Variants in FSD1L observed in about 807,000 individuals in gnomAD.
FSD1L encodes FSD1-like protein.
In FSD1L, 45 loss-of-function variants were observed where a neutral mutation model predicts 71.6. That is an observed-to-expected ratio of 0.63 (90% CI 0.49 to 0.81). The LOEUF (loss-of-function observed/expected upper bound fraction) is 0.81. Ranked by LOEUF, FSD1L falls within the 30% of genes least tolerant of loss-of-function variation. The pLI is 0.00. For synonymous variants in FSD1L, 197 were observed against 207.2 expected (o/e 0.95, Z 0.42); for missense variants, 561 against 618.1 (o/e 0.91, Z 0.98).
chr9:105,533,938 G>A (rs536921778), intron 10 of FSD1L, among the ~76,000 whole-genome samples: 4 of 152,130 alleles, frequency 2.6e-5, no homozygotes, highest in East Asian at 3.9e-4. Context: ...AGTCAGGCTC[G>A]TCTCGAACTC....
At chr9:105,520,499 A>G (rs2131414640) in intron 10 of FSD1L, 1 of 1,067,468 alleles carries the variant, frequency 9.4e-7, no homozygotes, top group Middle Eastern at 2.7e-4. Context: ...GAGGAACTGG[A>G]TGCTATACTT....
intron 7 of FSD1L, 81 bp from the exon 8 acceptor site, chr9:105,506,318 A>T: frequency 1.9e-6 from 2 of 1,064,706 alleles, no homozygotes; most frequent in Non-Finnish European, 2.7e-6. Context: ...AGTTTGAATG[A>T]TATAAATGTG....
intron 11 of FSD1L, among the ~76,000 whole-genome samples, 190 bp downstream of exon 11, chr9:105,534,783 A>G (rs763617072): frequency 6.6e-6 from 1 of 152,170 alleles, no homozygotes; most frequent in Non-Finnish European, 1.5e-5. Context: ...TTAAAACTCT[A>G]CTTCAGCTTA....
At position 105,471,965 on chromosome 9, in the gene FSD1L, C is replaced by G. The variant is rs555345664; in HGVS notation, c.401C>G (p.Thr134Arg). The change falls in exon 5 of 14, where the codon ACA (threonine) becomes AGA (arginine). Residue 134 changes from threonine (T) to arginine (R), a missense_variant. Thr to Arg is a moderately conservative substitution (Grantham distance 71, BLOSUM62 -1). Coordinates refer to ENST00000481272, the MANE Select transcript of FSD1L (RefSeq NM_001145313.3). ...ENSEELLEFA[T>R]RSLDIKEPEE... The stretch of plus-strand genomic sequence containing the variant: ...TCTGAAGAACTATTAGAATTTGCAA[C>G]AAGGTCATTAGATATAAAGGAACCT... 312 of 1,426,844 alleles carry G rather than the reference C, an allele frequency of 2.2e-4. 4 individuals are homozygous for G. In the South Asian group the frequency reaches 3.6e-3, roughly 16 times the overall value. 88.4% of individuals were successfully genotyped at this position (1,426,844 alleles called of 1,614,324 possible). A position where few individuals can be genotyped will look rare whatever the true frequency, so the allele number is the denominator to read the frequency against.
At chr9:105,506,857 C>T (rs148491517) in intron 8 of FSD1L, among the ~76,000 whole-genome samples, 2,506 of 151,732 alleles carry the variant, frequency 0.017, 39 homozygotes, top group African/African-American at 0.037. Context: ...CTGCAACCTC[C>T]GCCTCCTGGG....
At chr9:105,481,183 C>CT (rs1169730136) in intron 6 of FSD1L, among the ~76,000 whole-genome samples, 912 of 28,758 alleles carry the variant, frequency 0.032, 39 homozygotes, top group African/African-American at 0.067. Flanking sequence ...GTGTGTGGTT[C>CT]TTTTTTTTTT....
chr9:105,538,536 T>TA (rs1386071351), intron 12 of FSD1L, among the ~76,000 whole-genome samples: 1 of 152,196 alleles, frequency 6.6e-6, no homozygotes, highest in Non-Finnish European at 1.5e-5. Context: ...CAAGAAGTGA[T>TA]AACAGCTGTA....
chr9:105,458,381 G>T (rs893412970), intron 1 of FSD1L, among the ~76,000 whole-genome samples: 2 of 152,172 alleles, frequency 1.3e-5, no homozygotes, highest in Non-Finnish European at 2.9e-5. Context: ...CCCTTTCTGC[G>T]CCTGCCTTTT....
chr9:105,516,725 C>A (rs1260109556), intron 10 of FSD1L, among the ~76,000 whole-genome samples: 1 of 152,148 alleles, frequency 6.6e-6, no homozygotes, highest in Non-Finnish European at 1.5e-5. Flanking sequence ...GAGAAACCAG[C>A]GCAAAAAGGC....
intron 9 of FSD1L, among the ~76,000 whole-genome samples, chr9:105,511,046 C>T (rs1834362747): frequency 6.6e-6 from 1 of 150,404 alleles, no homozygotes; most frequent in Non-Finnish European, 1.5e-5. Flanking sequence ...AGCTCTATAA[C>T]TTAACTGAGG....
intron 6 of FSD1L, among the ~76,000 whole-genome samples, chr9:105,482,639 A>C (rs1832285207): frequency 6.6e-6 from 1 of 152,218 alleles, no homozygotes; most frequent in Non-Finnish European, 1.5e-5. Flanking sequence ...ATTAAAGTTC[A>C]GTCTTCTGAA....
chr9:105,498,303 G>A (rs1016584357), intron 7 of FSD1L, among the ~76,000 whole-genome samples: 1 of 151,620 alleles, frequency 6.6e-6, no homozygotes, highest in African/African-American at 2.4e-5. Context: ...TGTCAGTGGT[G>A]GGGATACATT....
chr9:105,456,905 T>C (rs1051051404), intron 1 of FSD1L, among the ~76,000 whole-genome samples: 4 of 152,240 alleles, frequency 2.6e-5, no homozygotes, highest in Non-Finnish European at 5.9e-5. Context: ...ATAATTTATA[T>C]TGCCTTTATT....
intron 7 of FSD1L, among the ~76,000 whole-genome samples, chr9:105,496,907 A>T (rs1833448708): frequency 6.6e-6 from 1 of 152,220 alleles, no homozygotes; most frequent in African/African-American, 2.4e-5. Context: ...CTATGTTGGA[A>T]GCAGTAGAAA....
At chr9:105,493,329 C>CT (rs931844979) in intron 7 of FSD1L, among the ~76,000 whole-genome samples, 6 of 152,070 alleles carry the variant, frequency 3.9e-5, no homozygotes, top group African/African-American at 1.2e-4. Flanking sequence ...CAACCCCTGC[C>CT]TTTTTTAGTT....
intron 10 of FSD1L, chr9:105,520,852 A>T (rs1835102864): frequency 6.2e-7 from 1 of 1,612,130 alleles, no homozygotes; most frequent in Non-Finnish European, 8.5e-7. Flanking sequence ...CAATCAGGAG[A>T]TAAAGGGCAA....
chr9:105,507,661 TA>T (rs1303245449), intron 8 of FSD1L, among the ~76,000 whole-genome samples: 1 of 152,164 alleles, frequency 6.6e-6, no homozygotes, highest in Non-Finnish European at 1.5e-5. Flanking sequence ...CATTTTCACA[TA>T]AAAAACGTTT....
chr9:105,519,568 G>A (rs1358642422), intron 10 of FSD1L, among the ~76,000 whole-genome samples: 1 of 152,162 alleles, frequency 6.6e-6, no homozygotes, highest in Admixed American at 6.5e-5. Context: ...TATCTCAATA[G>A]ATGCAGAAAA....
intron 4 of FSD1L, among the ~76,000 whole-genome samples, chr9:105,469,112 G>C (rs1831269260): frequency 6.6e-6 from 1 of 151,956 alleles, no homozygotes; most frequent in Admixed American, 6.6e-5. Flanking sequence ...CCTTTTTTGT[G>C]GTTGAATAAT....
Sources: allele counts gnomAD v4.1 joint callset (sites outside exome capture counted in the v4.1 genomes callset), GRCh38; gene constraint gnomAD v4.1.1; transcripts MANE v1.5; gene names NCBI Gene and HGNC (gene_info 2026-07-23, HGNC 2026-07-21).